Variants in ERC2 observed in about 807,000 individuals in gnomAD.
ERC2 encodes ELKS/RAB6-interacting/CAST family member 2.
ERC2 carries 42 observed loss-of-function variants against 114.8 expected under a neutral mutation model. The ratio of observed to expected loss-of-function variants is 0.37; its 90% CI spans 0.29 to 0.47. ERC2 has a LOEUF of 0.47. Ranked by LOEUF, ERC2 falls within the 20% of genes least tolerant of loss-of-function variation. The probability of loss-of-function intolerance (pLI) is 0.99; values close to 1 mark genes in which losing one functional copy is unlikely to be tolerated. For synonymous variants in ERC2, 454 were observed against 425.5 expected, an observed-to-expected ratio of 1.07 and a Z score of -0.82; for missense variants, 939 against 1,150.7, an observed-to-expected ratio of 0.82 and a Z score of 2.66.
At chr3:55,836,266 A>G (rs1031843923) in intron 14 of ERC2, among the ~76,000 whole-genome samples, 2 of 152,204 alleles carry the variant, frequency 1.3e-5, no homozygotes, top group Non-Finnish European at 2.9e-5. Flanking sequence ...TAAAGTTCAC[A>G]TGGAACCAAA....
chr3:56,363,045 A>C (rs993991759), intron 2 of ERC2, among the ~76,000 whole-genome samples: 1 of 152,240 alleles, frequency 6.6e-6, no homozygotes, highest in African/African-American at 2.4e-5. Flanking sequence ...ACTATGCAGC[A>C]GTATAATGAG....
intron 17 of ERC2, among the ~76,000 whole-genome samples, chr3:55,603,980 C>T (rs370077812): frequency 2.0e-5 from 3 of 152,180 alleles, no homozygotes; most frequent in Non-Finnish European, 2.9e-5. Flanking sequence ...TTCACCCCCC[C>T]CAGCATGTCT....
chr3:56,270,750 T>C (rs537317655), intron 3 of ERC2, among the ~76,000 whole-genome samples: 40 of 152,254 alleles, frequency 2.6e-4, no homozygotes, highest in East Asian at 2.3e-3. Context: ...GAGGCCAAGG[T>C]GGGCGGATCA....
chr3:56,286,705 T>C (rs2054743642), intron 3 of ERC2, among the ~76,000 whole-genome samples: 1 of 152,058 alleles, frequency 6.6e-6, no homozygotes, highest in Non-Finnish European at 1.5e-5. Context: ...TATACGTACT[T>C]ACGTAATCCT....
At chr3:56,333,676 T>G (rs562078121) in intron 2 of ERC2, among the ~76,000 whole-genome samples, 2 of 151,690 alleles carry the variant, frequency 1.3e-5, no homozygotes, top group Non-Finnish European at 2.9e-5. Context: ...TCTTTATATA[T>G]TCTTATCTCT....
intron 16 of ERC2, among the ~76,000 whole-genome samples, chr3:55,691,626 TA>T (rs2062674609): frequency 7.0e-6 from 1 of 142,160 alleles, no homozygotes; most frequent in Non-Finnish European, 1.5e-5. Context: ...GGGCAAGCTT[TA>T]GACATACTAG....
chr3:56,296,855 C>T (rs999605395), intron 2 of ERC2, among the ~76,000 whole-genome samples: 3 of 152,098 alleles, frequency 2.0e-5, no homozygotes, highest in South Asian at 2.1e-4. Context: ...TTATTTCCCA[C>T]GATCAATATG....
chr3:55,514,470 G>C (rs1014401240), intron 17 of ERC2, among the ~76,000 whole-genome samples: 17 of 152,170 alleles, frequency 1.1e-4, no homozygotes, highest in African/African-American at 4.1e-4. Context: ...TTTAAAAAAG[G>C]GTGGATCTGA....
At chr3:56,313,888 A>G (rs1305904768) in intron 2 of ERC2, among the ~76,000 whole-genome samples, 1 of 152,198 alleles carries the variant, frequency 6.6e-6, no homozygotes, top group African/African-American at 2.4e-5. Context: ...AAAAAGAAGC[A>G]ATATAAATGA....
chr3:55,859,435 T>C (rs1342400688), intron 14 of ERC2, among the ~76,000 whole-genome samples: 1 of 152,054 alleles, frequency 6.6e-6, no homozygotes, highest in African/African-American at 2.4e-5. Context: ...GTCTTCGTGT[T>C]TGTCTGTGCC....
intron 17 of ERC2, among the ~76,000 whole-genome samples, chr3:55,527,065 G>A (rs1442101527): frequency 6.6e-6 from 1 of 152,262 alleles, no homozygotes; most frequent in African/African-American, 2.4e-5. Context: ...GCTATTCAGT[G>A]CCTAGCACAG....
intron 15 of ERC2, among the ~76,000 whole-genome samples, chr3:55,728,675 C>T (rs2065068440): frequency 6.6e-6 from 1 of 152,162 alleles, no homozygotes; most frequent in Non-Finnish European, 1.5e-5. Flanking sequence ...AACAGCTGGC[C>T]TGGCCTGGAG....
intron 5 of ERC2, among the ~76,000 whole-genome samples, chr3:56,143,033 G>T (rs1045866710): frequency 6.6e-6 from 1 of 152,122 alleles, no homozygotes; most frequent in Non-Finnish European, 1.5e-5. Context: ...TGGATTCTGA[G>T]AACAAATTTT....
chr3:56,171,583 G>A (rs1031315833), intron 4 of ERC2, among the ~76,000 whole-genome samples: 1 of 152,160 alleles, frequency 6.6e-6, no homozygotes, highest in African/African-American at 2.4e-5. Context: ...GTGATAATAA[G>A]TAGAAATGAA....
intron 14 of ERC2, among the ~76,000 whole-genome samples, chr3:55,780,882 T>A (rs146180746): frequency 1.3e-5 from 2 of 152,138 alleles, no homozygotes; most frequent in Non-Finnish European, 2.9e-5. Context: ...CTGTGTTGTG[T>A]GATAGCAAAT....
intron 7 of ERC2, among the ~76,000 whole-genome samples, chr3:56,049,520 G>T (rs1949478): frequency 0.93 from 141,966 of 152,202 alleles, 66,542 homozygotes; most frequent in East Asian, 1. Context: ...AAGATTAACA[G>T]TTGAGTCAGT....
intron 14 of ERC2, among the ~76,000 whole-genome samples, chr3:55,834,894 G>A (rs1382725964): frequency 2.3e-4 from 33 of 146,438 alleles, no homozygotes; most frequent in African/African-American, 8.2e-4. Context: ...TCAAATAGAC[G>A]CAATAAAAAA....
Position 56,440,669 on chromosome 3 carries a change from T to C in ERC2, c.-140-5522A>G, listed in dbSNP as rs564050601. Among the ~76,000 whole-genome samples the C allele has an allele frequency of 3.3e-4, 50 of 152,236 alleles. 1 individual carries two copies. In the South Asian group the frequency reaches 0.01, roughly 31 times the overall value. On this transcript the variant is annotated intron_variant, in intron 1 of 17. Transcript: ENST00000288221. The stretch of plus-strand genomic sequence containing the variant: ...GACAGCAGTTCAAAACTAGCCAGTA[T>C]GTATTATGTTACTTCCAATTCCTTT...
chr3:55,609,963 G>A (rs962582593), intron 17 of ERC2, among the ~76,000 whole-genome samples: 6 of 148,548 alleles, frequency 4.0e-5, no homozygotes, highest in Admixed American at 6.9e-5. Flanking sequence ...CATGTGGGAT[G>A]TAAGAACTCA....
Sources: allele counts gnomAD v4.1 joint callset (sites outside exome capture counted in the v4.1 genomes callset), GRCh38; gene constraint gnomAD v4.1.1; transcripts MANE v1.5; gene names NCBI Gene and HGNC (gene_info 2026-07-23, HGNC 2026-07-21).